The following KLF12 variants were observed in gnomAD, a reference collection of about 807,000 sequenced individuals.
The protein encoded by KLF12 is Krueppel-like factor 12.
Under a neutral mutation model 37.8 loss-of-function variants are expected in KLF12, and 9 were observed. The ratio of observed to expected loss-of-function variants is 0.24; its 90% CI spans 0.14 to 0.42. The LOEUF is 0.42. Ranked by LOEUF, KLF12 falls within the 10% of genes least tolerant of loss-of-function variation. KLF12 has a pLI of 1.00. For missense variants in KLF12, 411 were observed against 516.0 expected, an observed-to-expected ratio of 0.80 and a Z score of 1.97; for synonymous variants, 208 against 202.1, an observed-to-expected ratio of 1.03 and a Z score of -0.25.
chr13:74,168,685 A>G, the KLF12 span, among the ~76,000 whole-genome samples: 1 of 152,228 alleles, frequency 6.6e-6, no homozygotes, highest in Admixed American at 6.5e-5. Flanking sequence ...AGAAATGGAA[A>G]TAACGGGTGG....
At position 73,726,800 on chromosome 13, in the gene KLF12, T is replaced by C. The variant is rs1876701401; in HGVS notation, c.870-11275A>G. On this transcript the variant is annotated intron_variant, in intron 6 of 7. Coordinates refer to ENST00000377669, the MANE Select transcript of KLF12 (RefSeq NM_007249.5). Reference sequence around the variant, plus strand: ...TATGTTTTCAGATCTCTTGGTTACATACCTAAGAGTAGAATTATTAGGTCA... The same window carrying C: ...TATGTTTTCAGATCTCTTGGTTACACACCTAAGAGTAGAATTATTAGGTCA... Among the ~76,000 whole-genome samples the C allele has an allele frequency of 2.0e-5, 3 of 152,250 alleles. No individual in the cohort carries two copies. The South Asian group carries it at 6.2e-4, about 32-fold the overall frequency.
chr13:73,735,380 A>G (rs759345451), intron 6 of KLF12, among the ~76,000 whole-genome samples: 3 of 152,218 alleles, frequency 2.0e-5, no homozygotes, highest in Non-Finnish European at 4.4e-5. Flanking sequence ...ATTCAATACA[A>G]TGGACAACAA....
At position 74,117,584 on chromosome 13, in the gene KLF12, G is replaced by A. The variant is rs114355970; in HGVS notation, c.-32+16155C>T. On this transcript the variant is annotated intron_variant, in intron 1 of 7. Coordinates refer to ENST00000377669, the MANE Select transcript of KLF12 (RefSeq NM_007249.5). ...GACTCACTTCCACAGAACAGAGTAAGGAAATGGAAAAAAATTACAGTAGAG... is the reference window on the plus strand; with the variant it reads ...GACTCACTTCCACAGAACAGAGTAAAGAAATGGAAAAAAATTACAGTAGAG... 3.6e-3 allele frequency among the ~76,000 whole-genome samples: 542 copies of A among 152,208 alleles called. 4 individuals are homozygous for A. The highest frequency in any genetic ancestry group is 0.013 in the African/African-American group (524 of 41,534).
At chr13:73,993,517 G>T (rs1892027496) in intron 2 of KLF12, among the ~76,000 whole-genome samples, 1 of 151,994 alleles carries the variant, frequency 6.6e-6, no homozygotes, top group Non-Finnish European at 1.5e-5. Context: ...AAAATTTAAT[G>T]ACAACTGAAC....
chr13:73,690,151 T>C lies in KLF12; in HGVS notation c.*5339A>G, dbSNP rs572579164. 5 of 152,700 alleles carry C rather than the reference T, an allele frequency of 3.3e-5. No homozygotes were observed. The East Asian group carries it at 5.8e-4, about 18-fold the overall frequency. 9.5% of individuals were successfully genotyped at this position (152,700 alleles called of 1,614,324 possible). ...GTGTGTATGTGTGTGTGTGTTCACA[T>C]GTGCAGGAAAAAACCCAGTCTTATT... is the stretch of plus-strand genomic sequence containing the variant. On this transcript the variant is annotated 3_prime_UTR_variant, in exon 8 of 8. Transcript: ENST00000377669.
intron 1 of KLF12, among the ~76,000 whole-genome samples, chr13:74,014,054 T>C (rs2138381573): frequency 6.6e-6 from 1 of 152,324 alleles, no homozygotes; most frequent in Non-Finnish European, 1.5e-5. Context: ...AATAGGCTAT[T>C]GAGCATAACT....
chr13:73,761,317 G>GC (rs1381401472), intron 6 of KLF12, among the ~76,000 whole-genome samples: 1 of 152,056 alleles, frequency 6.6e-6, no homozygotes, highest in Non-Finnish European at 1.5e-5. Flanking sequence ...TGCCACTTCA[G>GC]CCTAAGAATT....
At chr13:74,175,873 T>A in the KLF12 span, among the ~76,000 whole-genome samples, 1 of 152,202 alleles carries the variant, frequency 6.6e-6, no homozygotes, top group East Asian at 1.9e-4. Flanking sequence ...GGGTGCCTCA[T>A]AACACATCAT....
intron 1 of KLF12, among the ~76,000 whole-genome samples, chr13:74,082,203 C>T (rs893158816): frequency 9.0e-5 from 13 of 143,932 alleles, no homozygotes; most frequent in Non-Finnish European, 1.9e-4. Context: ...TGTGGTGGTG[C>T]GTACCTGTAA....
intron 3 of KLF12, among the ~76,000 whole-genome samples, chr13:73,933,916 T>C (rs867955349): frequency 6.6e-6 from 1 of 152,176 alleles, no homozygotes; most frequent in Non-Finnish European, 1.5e-5. Flanking sequence ...GTGTTAACTA[T>C]ATTCACAACG....
intron 7 of KLF12, among the ~76,000 whole-genome samples, chr13:73,699,423 T>TA (rs1400813910): frequency 1.3e-5 from 2 of 151,532 alleles, no homozygotes; most frequent in Middle Eastern, 3.4e-3. Context: ...AAATGAAAAT[T>TA]AAAAAAAATT....
At chr13:74,172,355 G>A in the KLF12 span, among the ~76,000 whole-genome samples, 6 of 152,106 alleles carry the variant, frequency 3.9e-5, no homozygotes, top group Non-Finnish European at 7.4e-5. Context: ...TCAGATAAAA[G>A]TAACAGAAAG....
chr13:74,118,939 A>G (rs1877466277), intron 1 of KLF12, among the ~76,000 whole-genome samples: 1 of 152,212 alleles, frequency 6.6e-6, no homozygotes, highest in South Asian at 2.1e-4. Context: ...AAAAAGAAAC[A>G]AATAAAAGGA....
chr13:74,279,356 T>C, the KLF12 span, among the ~76,000 whole-genome samples: 2 of 152,160 alleles, frequency 1.3e-5, no homozygotes, highest in African/African-American at 4.8e-5. Context: ...CTGACTTCTA[T>C]GACTTCCACC....
At chr13:73,974,227 T>G (rs1891435577) in intron 2 of KLF12, among the ~76,000 whole-genome samples, 1 of 151,182 alleles carries the variant, frequency 6.6e-6, no homozygotes, top group South Asian at 2.1e-4. Context: ...AAGAACAGAT[T>G]GAAATAACAG....
At chr13:74,172,903 T>C in the KLF12 span, among the ~76,000 whole-genome samples, 2 of 152,182 alleles carry the variant, frequency 1.3e-5, no homozygotes, top group African/African-American at 4.8e-5. Context: ...TCTAAATATA[T>C]ACCCTTCGTC....
At chr13:74,200,198 G>T in the KLF12 span, among the ~76,000 whole-genome samples, 25 of 151,756 alleles carry the variant, frequency 1.6e-4, no homozygotes, top group East Asian at 9.7e-4. Context: ...TCAGGGGGGG[G>T]GTTTCCTGAG....
intron 1 of KLF12, among the ~76,000 whole-genome samples, chr13:74,064,526 T>C (rs983597444): frequency 1.7e-4 from 26 of 152,192 alleles, no homozygotes; most frequent in South Asian, 6.2e-4. Flanking sequence ...CAAAGAAGCA[T>C]TGGAGTCCAG....
At chr13:73,977,837 T>C (rs751701072) in intron 2 of KLF12, among the ~76,000 whole-genome samples, 43 of 152,356 alleles carry the variant, frequency 2.8e-4, no homozygotes, top group Non-Finnish European at 5.7e-4. Context: ...TCAACTAATC[T>C]TTAACAAAGG....
Sources: gnomAD v4.1 joint callset for allele counts (sites outside exome capture counted in the v4.1 genomes callset) on GRCh38, gnomAD v4.1.1 for gene constraint, MANE v1.5 for transcripts, NCBI Gene and HGNC (gene_info 2026-07-23, HGNC 2026-07-21) for gene names.